Variants in CHLSN observed in about 807,000 individuals in gnomAD.
CHLSN encodes cholesin.
chr7:996,551 G>C, the CHLSN span, among the ~76,000 whole-genome samples: 1 of 152,222 alleles, frequency 6.6e-6, no homozygotes, highest in Non-Finnish European at 1.5e-5. Flanking sequence ...GGCCCAGACC[G>C]GAGCCACTGG....
the CHLSN span, among the ~76,000 whole-genome samples, chr7:1,011,254 A>G: frequency 1.0e-5 from 1 of 99,540 alleles, no homozygotes; most frequent in Non-Finnish European, 2.0e-5. Flanking sequence ...CCACCCACCC[A>G]TACCCAACAC....
At chr7:1,008,445 G>C in the CHLSN span, among the ~76,000 whole-genome samples, 2 of 152,172 alleles carry the variant, frequency 1.3e-5, no homozygotes, top group Non-Finnish European at 2.9e-5. Flanking sequence ...AGAGCTCTTG[G>C]GGTAGCCCTG....
the CHLSN span, chr7:1,092,630 C>G: frequency 1.9e-6 from 3 of 1,612,362 alleles, no homozygotes; most frequent in South Asian, 3.3e-5. Flanking sequence ...TTCCGCCATG[C>G]CCACCCCCTC....
the CHLSN span, among the ~76,000 whole-genome samples, chr7:1,101,418 C>T: frequency 6.6e-6 from 1 of 151,388 alleles, no homozygotes; most frequent in Non-Finnish European, 1.5e-5. Flanking sequence ...CAGGCGCGTG[C>T]GGCGTCGGAC....
the CHLSN span, among the ~76,000 whole-genome samples, chr7:1,067,281 C>G: frequency 1.2e-5 from 1 of 83,080 alleles, no homozygotes; most frequent in Non-Finnish European, 2.4e-5. Flanking sequence ...CCCAGAGGTG[C>G]GGGTTTGGGG....
the CHLSN span, among the ~76,000 whole-genome samples, chr7:981,909 T>C: frequency 2.6e-5 from 4 of 151,970 alleles, no homozygotes; most frequent in Admixed American, 6.6e-5. Context: ...GGTGCATGCC[T>C]GTAGTCCCAG....
the CHLSN span, among the ~76,000 whole-genome samples, chr7:1,061,776 A>G: frequency 1.4e-5 from 2 of 144,758 alleles, no homozygotes; most frequent in Non-Finnish European, 3.0e-5. Flanking sequence ...CGTCTCCCCA[A>G]CTCCCCAATT....
At chr7:1,051,530 C>A in the CHLSN span, among the ~76,000 whole-genome samples, 2 of 152,214 alleles carry the variant, frequency 1.3e-5, no homozygotes, top group African/African-American at 4.8e-5. Flanking sequence ...CCACTGCTGG[C>A]CCATGGCCCA....
chr7:1,079,095 G>C, the CHLSN span, among the ~76,000 whole-genome samples: 1 of 152,208 alleles, frequency 6.6e-6, no homozygotes, highest in East Asian at 1.9e-4. Flanking sequence ...AGGAGGCAGC[G>C]AGGCCTTTGG....
At chr7:1,125,647 A>G in the CHLSN span, among the ~76,000 whole-genome samples, 1 of 152,222 alleles carries the variant, frequency 6.6e-6, no homozygotes, top group African/African-American at 2.4e-5. Context: ...TTACTCATCT[A>G]TGTCAGCAAG....
At chr7:1,055,714 G>A in the CHLSN span, among the ~76,000 whole-genome samples, 6 of 152,224 alleles carry the variant, frequency 3.9e-5, no homozygotes, top group South Asian at 2.1e-4. Flanking sequence ...GAAGGTGGCC[G>A]GCCGGGTGTG....
the CHLSN span, among the ~76,000 whole-genome samples, chr7:1,095,554 C>T: frequency 6.6e-6 from 1 of 152,248 alleles, no homozygotes; most frequent in South Asian, 2.1e-4. Flanking sequence ...CAAGGGCAGA[C>T]GCTTTAAAAT....
the CHLSN span, among the ~76,000 whole-genome samples, chr7:995,695 G>T: frequency 2.0e-4 from 31 of 152,388 alleles, no homozygotes; most frequent in African/African-American, 7.2e-4. Context: ...CGCAGGCACC[G>T]CCTGGCAGAT....
chr7:1,048,589 C>A, the CHLSN span, among the ~76,000 whole-genome samples: 4,835 of 152,206 alleles, frequency 0.032, 134 homozygotes, highest in Admixed American at 0.074. Flanking sequence ...AAGTTAGCCC[C>A]GGGTTTCAGC....
chr7:990,567 C>T, the CHLSN span, among the ~76,000 whole-genome samples: 2 of 151,996 alleles, frequency 1.3e-5, no homozygotes, highest in African/African-American at 2.4e-5. Flanking sequence ...CACACGGGTG[C>T]ACGGCAGGCC....
At chr7:1,003,991 G>GAGT in the CHLSN span, among the ~76,000 whole-genome samples, 2 of 139,364 alleles carry the variant, frequency 1.4e-5, no homozygotes, top group East Asian at 2.2e-4. Flanking sequence ...TCCTGTGGGT[G>GAGT]GGGAGTCCTG....
the CHLSN span, among the ~76,000 whole-genome samples, chr7:1,095,642 T>C: frequency 6.6e-6 from 1 of 152,222 alleles, no homozygotes; most frequent in Non-Finnish European, 1.5e-5. Context: ...GAACGTGGTC[T>C]GGTCCCCACC....
At chr7:1,099,085 T>G in the CHLSN span, among the ~76,000 whole-genome samples, 30,739 of 150,058 alleles carry the variant, frequency 0.2, 3,469 homozygotes, top group Middle Eastern at 0.34. Context: ...TGTCACGTTC[T>G]TGCAGCGGCC....
At chr7:1,060,218 A>G in the CHLSN span, among the ~76,000 whole-genome samples, 84 of 152,240 alleles carry the variant, frequency 5.5e-4, 1 homozygote, top group African/African-American at 1.9e-3. Context: ...GGATTAAAGT[A>G]TAGGCCTGCA....
Sources: allele counts gnomAD v4.1 joint callset (sites outside exome capture counted in the v4.1 genomes callset), GRCh38; gene constraint gnomAD v4.1.1; transcripts MANE v1.5; gene names NCBI Gene and HGNC (gene_info 2026-07-23, HGNC 2026-07-21).